The following SNAP91 variants were observed in gnomAD, a reference collection of about 807,000 sequenced individuals.
SNAP91 encodes synaptosome associated protein 91, also known as clathrin coat assembly protein AP180.
In SNAP91, 27 loss-of-function variants were observed where a neutral mutation model predicts 100.3. That is an observed-to-expected ratio of 0.27 (90% CI 0.20 to 0.37). SNAP91 has a LOEUF of 0.37. Among genes scored for constraint, SNAP91 ranks in the 10% least tolerant of loss-of-function variants. The probability of loss-of-function intolerance (pLI) is 1.00; values close to 1 mark genes in which losing one functional copy is unlikely to be tolerated. For synonymous variants in SNAP91, 404 were observed against 398.6 expected, an observed-to-expected ratio of 1.01 and a Z score of -0.16; for missense variants, 986 against 1,123.7, an observed-to-expected ratio of 0.88 and a Z score of 1.75.
At chr6:83,563,092 T>C (rs1171305976) in intron 26 of SNAP91, among the ~76,000 whole-genome samples, 1 of 152,182 alleles carries the variant, frequency 6.6e-6, no homozygotes, top group African/African-American at 2.4e-5. Context: ...ACAAGGGCAT[T>C]TGCCAGTATA....
At chr6:83,650,440 A>G (rs879103598) in intron 7 of SNAP91, among the ~76,000 whole-genome samples, 1 of 152,018 alleles carries the variant, frequency 6.6e-6, no homozygotes, top group East Asian at 1.9e-4. Flanking sequence ...TTTTTTTGAG[A>G]TGGAGTCTCA....
chr6:83,577,979 T>C lies in SNAP91; in HGVS notation c.2300-1926A>G, dbSNP rs556399309. On this transcript the variant is annotated intron_variant, in intron 24 of 29. Transcript: ENST00000369694. ...AAATGGAATCATATATGAAAACACA[T>C]AGTCTTTTGCGACCGACTTCTTTCA... Among the ~76,000 whole-genome samples the C allele has an allele frequency of 3.3e-5, 5 of 152,290 alleles. No individual in the cohort carries two copies. In the South Asian group the frequency reaches 1.0e-3, roughly 32 times the overall value.
At position 83,616,927 on chromosome 6, in the gene SNAP91, T is replaced by C. The variant is rs374897527; in HGVS notation, c.878+42A>G. 4.1e-5 allele frequency: 49 copies of C among 1,205,372 alleles called. 1 individual carries two copies. In the African/African-American group the frequency reaches 6.0e-4, roughly 15 times the overall value. 74.7% of individuals were successfully genotyped at this position (1,205,372 alleles called of 1,614,324 possible). A position where few individuals can be genotyped will look rare whatever the true frequency, so the allele number is the denominator to read the frequency against. Reference sequence around the variant, plus strand: ...AATCTCATTCTTAGAAGAACGACTGTAGTATTTTTCATCTTATTTAGAATA... The same window carrying C: ...AATCTCATTCTTAGAAGAACGACTGCAGTATTTTTCATCTTATTTAGAATA... On this transcript the variant is annotated intron_variant, in intron 10 of 29. Transcript: ENST00000369694.
intron 9 of SNAP91, among the ~76,000 whole-genome samples, chr6:83,619,379 G>A (rs1584186855): frequency 6.6e-6 from 1 of 152,216 alleles, no homozygotes; most frequent in African/African-American, 2.4e-5. Context: ...CTATGGCAGT[G>A]AGGACATCCG....
In SNAP91 at chr6:83,559,930, CT is replaced by C. The variant is rs932526969; in HGVS notation, c.2631+173del. Among the ~76,000 whole-genome samples, 121 of 152,308 alleles carry C rather than the reference CT, an allele frequency of 7.9e-4. 2 individuals carry two copies. Among genetic ancestry groups the C allele is most frequent in the Non-Finnish European group, 1.5e-4 (10 of 68,026 alleles). On this transcript the variant is annotated intron_variant, in intron 28 of 29. Coordinates refer to ENST00000369694, the MANE Select transcript of SNAP91 (RefSeq NM_001242792.2). ...TTTAGACAGTGAGTTATTTCCATCACTTTTTCCCCCCCAAATCTCACTTTTG... is the reference window on the plus strand; with the variant it reads ...TTTAGACAGTGAGTTATTTCCATCACTTTTCCCCCCCAAATCTCACTTTTG...
chr6:83,638,877 G>T (rs2097564212), intron 8 of SNAP91, among the ~76,000 whole-genome samples: 1 of 152,118 alleles, frequency 6.6e-6, no homozygotes, highest in South Asian at 2.1e-4. Context: ...CCTTAGAATA[G>T]AAAACTAAGA....
intron 22 of SNAP91, among the ~76,000 whole-genome samples, chr6:83,586,495 G>A (rs147066504): frequency 1.2e-4 from 18 of 152,224 alleles, no homozygotes; most frequent in African/African-American, 3.6e-4. Context: ...TGTCCTGCTC[G>A]ATGCCAACCT....
chr6:83,560,105 T>C lies in SNAP91; in HGVS notation c.2630A>G (p.Gln877Arg). ...PFGAAAVPGT[Q>R]LSPSPTPASQ... ...TTTGTGGACATTGAAGAAACTGACC[T>C]GCGTGCCAGGTACAGCGGCAGCTCC... Residue 877 changes from glutamine to arginine, a missense_variant and splice_region_variant, in exon 28 of 30, where the codon CAG (glutamine) becomes CGG (arginine). Physicochemically the swap from Gln to Arg is conservative, Grantham distance 43. Transcript: ENST00000369694. 6.2e-7 allele frequency: 1 copy of C among 1,613,108 alleles called. No individual in the cohort carries two copies. Among genetic ancestry groups the C allele is most frequent in the Non-Finnish European group, 8.5e-7 (1 of 1,179,150 alleles).
At chr6:83,684,545 C>A (rs1426351966) in intron 2 of SNAP91, among the ~76,000 whole-genome samples, 1 of 151,990 alleles carries the variant, frequency 6.6e-6, no homozygotes, top group Non-Finnish European at 1.5e-5. Context: ...AAACAAAGTC[C>A]TTTTTGTCAC....
At chr6:83,689,277 A>G (rs2099102204) in intron 2 of SNAP91, among the ~76,000 whole-genome samples, 1 of 152,208 alleles carries the variant, frequency 6.6e-6, no homozygotes, top group Non-Finnish European at 1.5e-5. Flanking sequence ...GAGTATACTG[A>G]GGTCTTTATA....
intron 26 of SNAP91, among the ~76,000 whole-genome samples, chr6:83,566,767 T>C (rs1049227440): frequency 6.6e-6 from 1 of 152,118 alleles, no homozygotes; most frequent in Non-Finnish European, 1.5e-5. Flanking sequence ...CAATCAGAAA[T>C]TGCCAACGAA....
At chr6:83,689,883 C>CT (rs1390296857) in intron 2 of SNAP91, among the ~76,000 whole-genome samples, 5 of 151,990 alleles carry the variant, frequency 3.3e-5, no homozygotes, top group Non-Finnish European at 7.4e-5. Flanking sequence ...ACATTTAACT[C>CT]TTTACCTTTT....
chr6:83,587,937 C>T (rs935588791), intron 22 of SNAP91, among the ~76,000 whole-genome samples: 10 of 152,006 alleles, frequency 6.6e-5, no homozygotes, highest in Non-Finnish European at 1.5e-4. Context: ...AAAATTAGCC[C>T]CCAAAATTAA....
At chr6:83,569,916 T>G (rs191711230) in intron 26 of SNAP91, among the ~76,000 whole-genome samples, 1 of 152,326 alleles carries the variant, frequency 6.6e-6, no homozygotes, top group Non-Finnish European at 1.5e-5. Flanking sequence ...TGAAACCTTT[T>G]TTTTTGTAAA....
At chr6:83,559,574 C>T (rs1292674534) in intron 28 of SNAP91, among the ~76,000 whole-genome samples, 1 of 152,166 alleles carries the variant, frequency 6.6e-6, no homozygotes, top group Non-Finnish European at 1.5e-5. Context: ...CATGGAAAAA[C>T]CTCGAATTTG....
At chr6:83,572,313 C>G (rs148838303) in intron 26 of SNAP91, among the ~76,000 whole-genome samples, 2 of 152,294 alleles carry the variant, frequency 1.3e-5, no homozygotes, top group East Asian at 3.9e-4. Flanking sequence ...GTAGCACAAT[C>G]TCGGCTCACT....
intron 13 of SNAP91, among the ~76,000 whole-genome samples, chr6:83,606,980 G>A (rs2095655363): frequency 6.6e-6 from 1 of 152,172 alleles, no homozygotes; most frequent in Admixed American, 6.5e-5. Flanking sequence ...CAGTTAACAT[G>A]GGTACAATAC....
At chr6:83,635,695 T>C (rs1397914489) in intron 8 of SNAP91, among the ~76,000 whole-genome samples, 5 of 152,130 alleles carry the variant, frequency 3.3e-5, no homozygotes, top group Non-Finnish European at 7.4e-5. Context: ...TATTCATATG[T>C]GAGGTTTCAT....
At chr6:83,611,703 T>C (rs1416367183) in intron 11 of SNAP91, among the ~76,000 whole-genome samples, 1 of 136,984 alleles carries the variant, frequency 7.3e-6, no homozygotes, top group Admixed American at 7.6e-5. Context: ...AATATCTTTC[T>C]TTTTTTTTTT....
Sources: allele counts gnomAD v4.1 joint callset (sites outside exome capture counted in the v4.1 genomes callset), GRCh38; gene constraint gnomAD v4.1.1; transcripts MANE v1.5; gene names NCBI Gene and HGNC (gene_info 2026-07-23, HGNC 2026-07-21).